The following EEFSEC variants were observed in gnomAD, a reference collection of about 807,000 sequenced individuals.
EEFSEC encodes eukaryotic elongation factor, selenocysteine-tRNA specific, also known as selenocysteine-specific elongation factor.
Under a neutral mutation model 42.1 loss-of-function variants are expected in EEFSEC, and 43 were observed. The ratio of observed to expected loss-of-function variants is 1.02; its 90% CI spans 0.80 to 1.32. EEFSEC has a LOEUF of 1.32. Ranked by LOEUF, EEFSEC falls within the 40% of genes most tolerant of loss-of-function variation. The pLI is 0.00. For synonymous variants in EEFSEC, 354 were observed against 339.1 expected (o/e 1.04, Z -0.48); for missense variants, 745 against 803.6 (o/e 0.93, Z 0.88).
At chr3:128,195,018 G>A (rs1040711656) in intron 1 of EEFSEC, among the ~76,000 whole-genome samples, 1 of 152,148 alleles carries the variant, frequency 6.6e-6, no homozygotes, top group African/African-American at 2.4e-5. Flanking sequence ...TGGTCAGCCA[G>A]TGCTGCTTTT....
At chr3:128,163,196 G>A (rs1175771167) in intron 1 of EEFSEC, among the ~76,000 whole-genome samples, 1 of 151,988 alleles carries the variant, frequency 6.6e-6, no homozygotes, top group Non-Finnish European at 1.5e-5. Context: ...GGTACTCTGG[G>A]TATCTTGGAG....
intron 6 of EEFSEC, among the ~76,000 whole-genome samples, chr3:128,380,336 G>A (rs556000227): frequency 6.6e-6 from 1 of 152,318 alleles, no homozygotes; most frequent in South Asian, 2.1e-4. Context: ...GTTTTGAACT[G>A]TGAAAAACTT....
chr3:128,364,898 G>A (rs1311192751), intron 6 of EEFSEC, among the ~76,000 whole-genome samples: 1 of 152,262 alleles, frequency 6.6e-6, no homozygotes. Flanking sequence ...TACACTGCTA[G>A]TAAGTGAATG....
chr3:128,332,130 G>A (rs1252005994), intron 4 of EEFSEC, among the ~76,000 whole-genome samples: 6 of 152,078 alleles, frequency 3.9e-5, no homozygotes, highest in Non-Finnish European at 7.4e-5. Flanking sequence ...TTTTTTGACA[G>A]CTGCATATAT....
intron 6 of EEFSEC, chr3:128,362,120 C>T (rs1313793455): frequency 2.4e-6 from 1 of 425,530 alleles, no homozygotes; most frequent in Non-Finnish European, 4.9e-6. Flanking sequence ...TGGAGAAGCA[C>T]TGCACCTGGG....
At chr3:128,323,930 C>T (rs745745028) in intron 4 of EEFSEC, among the ~76,000 whole-genome samples, 18 of 152,336 alleles carry the variant, frequency 1.2e-4, no homozygotes, top group South Asian at 1.0e-3. Flanking sequence ...CGCCTCCCCC[C>T]CTGTGGCAGG....
chr3:128,208,440 C>T (rs1260842326), intron 1 of EEFSEC, among the ~76,000 whole-genome samples: 2 of 152,176 alleles, frequency 1.3e-5, no homozygotes, highest in Non-Finnish European at 2.9e-5. Context: ...GAGGGAGAGA[C>T]TTGAAACTGT....
downstream of EEFSEC, among the ~76,000 whole-genome samples, chr3:128,411,562 G>T (rs1257431942): frequency 6.6e-6 from 1 of 152,232 alleles, no homozygotes; most frequent in African/African-American, 2.4e-5. Context: ...GGGGCATGGG[G>T]CAGCAGTGCC....
chr3:128,222,121 C>A (rs1488168791), intron 1 of EEFSEC, among the ~76,000 whole-genome samples: 1 of 151,384 alleles, frequency 6.6e-6, no homozygotes, highest in Non-Finnish European at 1.5e-5. Context: ...GCAACCTCCC[C>A]CTCCGGGGTT....
the EEFSEC span, among the ~76,000 whole-genome samples, chr3:128,417,443 A>T: frequency 6.6e-6 from 1 of 151,238 alleles, no homozygotes; most frequent in African/African-American, 2.4e-5. This position sits in a 1 kb window ranked among gnomAD's most constrained non-coding sequence, Gnocchi z 4.3. Flanking sequence ...CCCATTCTTC[A>T]TTGAGCAGCC....
At chr3:128,188,296 T>TA (rs1343888487) in intron 1 of EEFSEC, among the ~76,000 whole-genome samples, 8 of 152,018 alleles carry the variant, frequency 5.3e-5, no homozygotes, top group African/African-American at 9.7e-5. Flanking sequence ...ACAGAATGGG[T>TA]ATGAGGTATG....
chr3:128,400,407 T>G (rs1157364962), intron 6 of EEFSEC, among the ~76,000 whole-genome samples: 1 of 152,232 alleles, frequency 6.6e-6, no homozygotes, highest in African/African-American at 2.4e-5. Flanking sequence ...TCCAAGGCCC[T>G]CTGTGGCTGT....
chr3:128,157,654 C>T (rs1358243183), intron 1 of EEFSEC, among the ~76,000 whole-genome samples: 1 of 152,218 alleles, frequency 6.6e-6, no homozygotes, highest in Non-Finnish European at 1.5e-5. Flanking sequence ...CTGTTTATAG[C>T]ATGGTTTACT....
At chr3:128,221,405 G>A (rs2065860045) in intron 1 of EEFSEC, among the ~76,000 whole-genome samples, 1 of 152,214 alleles carries the variant, frequency 6.6e-6, no homozygotes, top group Non-Finnish European at 1.5e-5. Context: ...GTAACTGGTG[G>A]AGATTAAATT....
chr3:128,164,812 A>G, intron 1 of EEFSEC, among the ~76,000 whole-genome samples: 1 of 152,118 alleles, frequency 6.6e-6, no homozygotes, highest in South Asian at 2.1e-4. Context: ...GAAGGCTGGT[A>G]GGTTTTAAGC....
chr3:128,246,145 A>G (rs1448777520), intron 1 of EEFSEC, among the ~76,000 whole-genome samples: 1 of 152,152 alleles, frequency 6.6e-6, no homozygotes, highest in Non-Finnish European at 1.5e-5. Flanking sequence ...GTTTCCCTTC[A>G]TTCACTTTCT....
At chr3:128,411,194 G>A (rs1205335307), downstream of EEFSEC, among the ~76,000 whole-genome samples, 7 of 152,244 alleles carry the variant, frequency 4.6e-5, no homozygotes, top group Non-Finnish European at 1.0e-4. Context: ...TGAGGCCAAG[G>A]TGTGGGCATG....
At chr3:128,338,377 G>A (rs1352769074) in intron 4 of EEFSEC, among the ~76,000 whole-genome samples, 3 of 152,188 alleles carry the variant, frequency 2.0e-5, no homozygotes, top group Non-Finnish European at 4.4e-5. Flanking sequence ...GGCGGAAAGG[G>A]CAATGAACTC....
chr3:128,378,256 T>C (rs1425044434), intron 6 of EEFSEC, among the ~76,000 whole-genome samples: 1 of 152,168 alleles, frequency 6.6e-6, no homozygotes, highest in Non-Finnish European at 1.5e-5. Flanking sequence ...ACTGGCCCCA[T>C]GCTGAGTCAC....
Sources: allele counts gnomAD v4.1 joint callset (sites outside exome capture counted in the v4.1 genomes callset), GRCh38; gene constraint gnomAD v4.1.1; non-coding constraint Gnocchi (gnomAD v3.1); transcripts MANE v1.5; gene names NCBI Gene and HGNC (gene_info 2026-07-23, HGNC 2026-07-21).